Variants in PM20D2 observed in about 807,000 individuals in gnomAD.
PM20D2 encodes peptidase M20 domain containing 2.
A neutral mutation model predicts 42.9 loss-of-function variants in PM20D2; 33 were observed. The ratio of observed to expected loss-of-function variants is 0.77; its 90% CI spans 0.58 to 1.03. The LOEUF is 1.03. PM20D2 is among the 50% of genes least tolerant of loss of function. PM20D2 has a pLI of 0.00. For synonymous variants in PM20D2, 250 were observed against 228.2 expected (o/e 1.10, Z -0.86); for missense variants, 548 against 557.0 (o/e 0.98, Z 0.16).
chr6:89,113,463 C>T, the PM20D2 span, among the ~76,000 whole-genome samples: 291 of 152,102 alleles, frequency 1.9e-3, 3 homozygotes, highest in African/African-American at 6.3e-3. Context: ...TGAGCCACCG[C>T]ACCCAGCCCA....
At position 89,148,452 on chromosome 6, in the gene PM20D2, AT is replaced by A. The variant is rs530262086; in HGVS notation, c.466-811del. The A allele has an allele frequency of 1.7e-5, 12 of 693,854 alleles. No individual in the cohort carries two copies. In the East Asian group the frequency reaches 1.6e-3, roughly 93 times the overall value. 43.0% of individuals were successfully genotyped at this position (693,854 alleles called of 1,614,324 possible). A position where few individuals can be genotyped will look rare whatever the true frequency, so the allele number is the denominator to read the frequency against. ...TTAGTTGTTTATTTTGATTTTTAAA[AT>A]TGTTTGAAGCAGTTAAGCTTAAATA... is the stretch of plus-strand genomic sequence containing the variant. On this transcript the variant is annotated intron_variant, in intron 1 of 6. Transcript: ENST00000275072.
At chr6:89,111,173 A>G in the PM20D2 span, among the ~76,000 whole-genome samples, 1 of 151,454 alleles carries the variant, frequency 6.6e-6, no homozygotes, top group South Asian at 2.1e-4. Flanking sequence ...CTGTGGCACA[A>G]TCTCGGGTCA....
intron 4 of PM20D2, 34 bp from the exon 5 acceptor site, chr6:89,158,291 T>A (rs376117647): frequency 5.2e-6 from 8 of 1,546,650 alleles, no homozygotes; most frequent in Non-Finnish European, 6.1e-6. Flanking sequence ...TTTGAGTTTT[T>A]TATTTCAAAA....
chr6:89,141,287 A>C (rs4707518), upstream of PM20D2, among the ~76,000 whole-genome samples: 55,041 of 152,068 alleles, frequency 0.36, 10,943 homozygotes, highest in African/African-American at 0.54. Flanking sequence ...TTCAGTGAGG[A>C]ATTAAGTCTG....
the PM20D2 span, chr6:89,098,848 CCTT>C: frequency 9.9e-6 from 16 of 1,613,876 alleles, no homozygotes; most frequent in Non-Finnish European, 1.4e-5. Flanking sequence ...AGCCAAAATT[CCTT>C]CTTGGAGTTC....
At chr6:89,124,740 T>TTTTTTTTG in the PM20D2 span, among the ~76,000 whole-genome samples, 1 of 140,540 alleles carries the variant, frequency 7.1e-6, no homozygotes, top group African/African-American at 2.6e-5. Flanking sequence ...GTTGTTGTTT[T>TTTTTTTTG]TTTTTTTTTT....
chr6:89,103,987 ATTTCTTTTT>A, the PM20D2 span, among the ~76,000 whole-genome samples: 1 of 92,946 alleles, frequency 1.1e-5, no homozygotes, highest in Non-Finnish European at 2.1e-5. Context: ...ATTTTATTAT[ATTTCTTTTT>A]TTTTTTTTTT....
At chr6:89,101,169 C>T in the PM20D2 span, among the ~76,000 whole-genome samples, 1 of 149,598 alleles carries the variant, frequency 6.7e-6, no homozygotes, top group Non-Finnish European at 1.5e-5. Flanking sequence ...AAACATCCTA[C>T]CGAAATACAG....
At chr6:89,098,432 C>T in the PM20D2 span, 1 of 1,065,460 alleles carries the variant, frequency 9.4e-7, no homozygotes, top group South Asian at 2.2e-5. Flanking sequence ...TTTATTAATC[C>T]AAAGCTAGAG....
At chr6:89,110,401 G>A in the PM20D2 span, among the ~76,000 whole-genome samples, 3 of 152,104 alleles carry the variant, frequency 2.0e-5, no homozygotes, top group Admixed American at 1.3e-4. Flanking sequence ...CTGGTTACTC[G>A]GTTACACCCT....
At chr6:89,095,280 T>C in the PM20D2 span, among the ~76,000 whole-genome samples, 2 of 152,318 alleles carry the variant, frequency 1.3e-5, no homozygotes, top group Non-Finnish European at 2.9e-5. Context: ...GGCTTGAGTA[T>C]AGTGACACCA....
the PM20D2 span, among the ~76,000 whole-genome samples, chr6:89,104,276 G>A: frequency 0.023 from 3,224 of 138,178 alleles, 71 homozygotes; most frequent in African/African-American, 0.068. Context: ...TCGCTCTGTC[G>A]CTCAGGCTGG....
At chr6:89,141,746 C>T (rs902331849), upstream of PM20D2, among the ~76,000 whole-genome samples, 5 of 152,172 alleles carry the variant, frequency 3.3e-5, no homozygotes, top group Non-Finnish European at 5.9e-5. Flanking sequence ...TCTTGTAGAA[C>T]AAATTTCTGA....
chr6:89,129,907 A>G, the PM20D2 span, among the ~76,000 whole-genome samples: 2 of 151,730 alleles, frequency 1.3e-5, no homozygotes, highest in East Asian at 3.9e-4. Context: ...TTAAAAATAT[A>G]TATTTCTTTG....
chr6:89,122,767 ATG>A, the PM20D2 span, among the ~76,000 whole-genome samples: 1 of 152,224 alleles, frequency 6.6e-6, no homozygotes, highest in Non-Finnish European at 1.5e-5. Flanking sequence ...ATATCATTTT[ATG>A]TTGTGAACTC....
At chr6:89,125,737 C>T in the PM20D2 span, among the ~76,000 whole-genome samples, 3 of 150,380 alleles carry the variant, frequency 2.0e-5, no homozygotes, top group Admixed American at 1.3e-4. Context: ...GAGCCAAGGT[C>T]GCACCATTGC....
the PM20D2 span, among the ~76,000 whole-genome samples, chr6:89,132,435 G>A: frequency 2.0e-5 from 3 of 151,108 alleles, no homozygotes; most frequent in African/African-American, 4.9e-5. Context: ...AAGCACTTAC[G>A]GAGCCCTCTC....
chr6:89,136,708 T>C, the PM20D2 span, among the ~76,000 whole-genome samples: 2 of 151,222 alleles, frequency 1.3e-5, no homozygotes, highest in East Asian at 1.9e-4. Context: ...AGATACACTA[T>C]ATATACCTTT....
intron 1 of PM20D2, among the ~76,000 whole-genome samples, chr6:89,146,937 G>C (rs1454783615): frequency 6.6e-6 from 1 of 152,222 alleles, no homozygotes; most frequent in Non-Finnish European, 1.5e-5. Context: ...TTTGGTAACT[G>C]AGAGAGGCAA....
Sources: allele counts gnomAD v4.1 joint callset (sites outside exome capture counted in the v4.1 genomes callset), GRCh38; gene constraint gnomAD v4.1.1; transcripts MANE v1.5; gene names NCBI Gene and HGNC (gene_info 2026-07-23, HGNC 2026-07-21).